Variants in MAPT observed in about 807,000 individuals in gnomAD.
MAPT encodes the protein microtubule-associated protein tau.
Under a neutral mutation model 67.9 loss-of-function variants are expected in MAPT, and 34 were observed. The observed-to-expected ratio is 0.50, with a 90% CI of 0.38 to 0.67. The LOEUF is 0.67. Ranked by LOEUF, MAPT falls within the 30% of genes least tolerant of loss-of-function variation. The pLI is 0.00. For missense variants in MAPT, 881 were observed against 1,115.2 expected (o/e 0.79, Z 2.99); for synonymous variants, 456 against 464.5 (o/e 0.98, Z 0.23).
chr17:45,929,949 C>A (rs1285915740), intron 1 of MAPT, among the ~76,000 whole-genome samples: 1 of 152,178 alleles, frequency 6.6e-6, no homozygotes, highest in Non-Finnish European at 1.5e-5. Context: ...GCAATATCCA[C>A]CCTCTGGCAA....
Position 46,024,358 on chromosome 17 carries a change from G to A in MAPT, c.*187G>A, listed in dbSNP as rs796511369. 1.2e-4 allele frequency: 72 copies of A among 621,294 alleles called. No individual in the cohort carries two copies. The African/African-American group carries it at 1.2e-3, about 11-fold the overall frequency. The allele number at this position is 621,294 out of a possible 1,614,324, so 38.5% of individuals were successfully genotyped here. ...CGGGACTTCAAAATCAGTGATGGGA[G>A]TAAGAGCAAATTTCATCTTTCCAAA... On this transcript the variant is annotated 3_prime_UTR_variant, in exon 13 of 13. Transcript: ENST00000262410.
At chr17:45,904,430 G>T (rs2064153593) in intron 1 of MAPT, among the ~76,000 whole-genome samples, 1 of 112,030 alleles carries the variant, frequency 8.9e-6, no homozygotes, top group Non-Finnish European at 1.9e-5. Context: ...GCCAGGCTCG[G>T]TGGCTCACAC....
At chr17:45,943,080 A>G (rs1179741625) in intron 1 of MAPT, among the ~76,000 whole-genome samples, 3 of 152,052 alleles carry the variant, frequency 2.0e-5, no homozygotes, top group Non-Finnish European at 2.9e-5. Flanking sequence ...TTGAGACAGA[A>G]TCTCACTCTG....
chr17:46,001,195 C>T (rs1450982834), intron 9 of MAPT, among the ~76,000 whole-genome samples: 1 of 152,056 alleles, frequency 6.6e-6, no homozygotes, highest in African/African-American at 2.4e-5. Flanking sequence ...CACCACTGAA[C>T]GCCAGCCTGG....
intron 5 of MAPT, among the ~76,000 whole-genome samples, chr17:45,985,383 A>T (rs1201091173): frequency 6.6e-6 from 1 of 152,226 alleles, no homozygotes; most frequent in Non-Finnish European, 1.5e-5. Flanking sequence ...ACAGTAGGGG[A>T]CAAATAACTG....
rs1326985515 is a variant in MAPT at position 45,959,899 on chromosome 17, T to C, written c.-17-2422T>C. Among the ~76,000 whole-genome samples, 3 of 152,200 alleles carry C rather than the reference T, an allele frequency of 2.0e-5. No individual in the cohort carries two copies. In the East Asian group the frequency reaches 5.8e-4, roughly 29 times the overall value. On this transcript the variant is annotated intron_variant, in intron 1 of 12. Coordinates refer to ENST00000262410, the MANE Select transcript of MAPT (RefSeq NM_001377265.1). ...CTATTAGGGGATGGTTAGGAAAATA[T>C]GGTACATATGTGGAAAGGAACATTT...
intron 2 of MAPT, chr17:45,969,389 C>G (rs1315329082): frequency 6.6e-6 from 1 of 151,780 alleles, no homozygotes; most frequent in East Asian, 1.9e-4. Context: ...CCACCCATAT[C>G]TTCCTCCCTC....
At chr17:45,901,075 C>A (rs916000136) in intron 1 of MAPT, among the ~76,000 whole-genome samples, 29 of 152,166 alleles carry the variant, frequency 1.9e-4, no homozygotes, top group African/African-American at 6.8e-4. Flanking sequence ...AACTACCCAG[C>A]TCCCCTGCAC....
rs61564191 is a variant in MAPT, at chr17:45,933,245, C to CTTTTTTTT, written c.-17-29069_-17-29062dup. Among the ~76,000 whole-genome samples, 4 of 139,210 alleles carry CTTTTTTTT rather than the reference C, an allele frequency of 2.9e-5. 1 individual carries two copies. Among genetic ancestry groups the CTTTTTTTT allele is most frequent in the Non-Finnish European group, 4.6e-5 (3 of 64,880 alleles). The allele number at this position is 139,210 out of a possible 152,430, so 91.3% of individuals were successfully genotyped here. On this transcript the variant is annotated intron_variant, in intron 1 of 12. Coordinates refer to ENST00000262410, the MANE Select transcript of MAPT (RefSeq NM_001377265.1). ...TACTGTTTTTGAACTCTCTCTCTCC[C>CTTTTTTTT]TTTTTTTTTTTTTTGAGACAGAGTC...
At chr17:45,919,190 G>A (rs1031425420) in intron 1 of MAPT, among the ~76,000 whole-genome samples, 2 of 152,128 alleles carry the variant, frequency 1.3e-5, no homozygotes, top group African/African-American at 2.4e-5. Flanking sequence ...GCCTGTTGCT[G>A]CAGCACCGCT....
chr17:46,014,175 C>G, intron 10 of MAPT, 68 bp from the exon 11 acceptor site: 1 of 890,514 alleles, frequency 1.1e-6, no homozygotes, highest in Non-Finnish European at 1.9e-6. Context: ...CCCATTTTAT[C>G]CTTTTTGTCT....
chr17:45,968,880 T>C (rs1032153344), intron 2 of MAPT, among the ~76,000 whole-genome samples: 1 of 152,198 alleles, frequency 6.6e-6, no homozygotes, highest in East Asian at 1.9e-4. Context: ...AAATAAGCAT[T>C]CAACAATTTC....
At chr17:45,953,278 C>G (rs2069271841) in intron 1 of MAPT, among the ~76,000 whole-genome samples, 1 of 152,208 alleles carries the variant, frequency 6.6e-6, no homozygotes, top group East Asian at 1.9e-4. Flanking sequence ...CTTTCTGGGT[C>G]CTATTTTCTG....
intron 1 of MAPT, among the ~76,000 whole-genome samples, chr17:45,920,119 C>G (rs960932601): frequency 6.6e-6 from 1 of 152,240 alleles, no homozygotes; most frequent in Admixed American, 6.5e-5. Context: ...TTCCTGGGCT[C>G]TGTCCACAGG....
chr17:45,961,777 T>G (rs1568239068), intron 1 of MAPT, among the ~76,000 whole-genome samples: 1 of 148,912 alleles, frequency 6.7e-6, no homozygotes, highest in African/African-American at 2.5e-5. Context: ...TTTGTTTTGT[T>G]TTTTTTTTTT....
In MAPT at chr17:45,941,716, T is replaced by TGCC. The variant is rs1568208322; in HGVS notation, c.-17-20605_-17-20604insGCC. Among the ~76,000 whole-genome samples, 101 of 121,638 alleles carry TGCC rather than the reference T, an allele frequency of 8.3e-4. 2 individuals are homozygous for TGCC. The highest frequency in any genetic ancestry group is 1.5e-3 in the Non-Finnish European group (85 of 57,626). 79.8% of individuals were successfully genotyped at this position (121,638 alleles called of 152,430 possible). ...CTTCCTTCCTGCCTGCCTTCCTTCCTTCCTTCCTTCCTTCCTTCCTTCCTT... is the reference window on the plus strand; with the variant it reads ...CTTCCTTCCTGCCTGCCTTCCTTCCTGCCTCCTTCCTTCCTTCCTTCCTTCCTT... On this transcript the variant is annotated intron_variant, in intron 1 of 12. Coordinates refer to ENST00000262410, the MANE Select transcript of MAPT (RefSeq NM_001377265.1).
intron 2 of MAPT, among the ~76,000 whole-genome samples, chr17:45,962,703 A>T (rs949173372): frequency 1.3e-5 from 2 of 152,160 alleles, no homozygotes; most frequent in African/African-American, 2.4e-5. Context: ...AGGCAGGAGG[A>T]TCCCTTGAGG....
rs938218026 is a variant in MAPT, at chr17:45,910,150, G to T, written c.-18+15464G>T. On this transcript the variant is annotated intron_variant, in intron 1 of 12. Coordinates refer to ENST00000262410, the MANE Select transcript of MAPT (RefSeq NM_001377265.1). ...GGGGGCACTGGAAACACACAGGCAC[G>T]GGGTGTCCTCACACTTGGGTAGCCC... Among the ~76,000 whole-genome samples, 3 of 152,202 alleles carry T rather than the reference G, an allele frequency of 2.0e-5. No homozygotes were observed. The East Asian group carries it at 5.8e-4, about 29-fold the overall frequency.
Position 46,010,425 on chromosome 17 carries a change from T to C in MAPT, c.2091+23T>C, listed in dbSNP as rs773806680. On this transcript the variant is annotated intron_variant, in intron 10 of 12. Coordinates refer to ENST00000262410, the MANE Select transcript of MAPT (RefSeq NM_001377265.1). The surrounding 1 kb of genome is among the most constrained non-coding windows in gnomAD (Gnocchi z 4.7). ...AGTGTGAGTACCTTCACACGTCCCA[T>C]GCGCCGTGCTGTGGCTTGAATTATT... The C allele has an allele frequency of 2.0e-6, 3 of 1,490,652 alleles. No individual in the cohort carries two copies. Among genetic ancestry groups the C allele is most frequent in the South Asian group, 1.2e-5 (1 of 83,140 alleles). 92.3% of individuals were successfully genotyped at this position (1,490,652 alleles called of 1,614,324 possible). A position where few individuals can be genotyped will look rare whatever the true frequency, so the allele number is the denominator to read the frequency against.
Sources: allele counts gnomAD v4.1 joint callset (sites outside exome capture counted in the v4.1 genomes callset), GRCh38; gene constraint gnomAD v4.1.1; non-coding constraint Gnocchi (gnomAD v3.1); transcripts MANE v1.5; gene names NCBI Gene and HGNC (gene_info 2026-07-23, HGNC 2026-07-21).